The following SCHIP1 variants were observed in gnomAD, a reference collection of about 807,000 sequenced individuals.
SCHIP1 encodes schwannomin-interacting protein 1.
In SCHIP1, 8 loss-of-function variants were observed where a neutral mutation model predicts 29.7. The observed-to-expected ratio is 0.27, with a 90% CI of 0.16 to 0.49. SCHIP1 has a LOEUF of 0.49. SCHIP1 is among the 20% of genes least tolerant of loss of function. The probability of loss-of-function intolerance (pLI) is 0.99; values close to 1 mark genes in which losing one functional copy is unlikely to be tolerated. For synonymous variants in SCHIP1, 76 were observed against 94.9 expected (o/e 0.80, Z 1.16); for missense variants, 193 against 294.6 (o/e 0.66, Z 2.52).
the SCHIP1 span, among the ~76,000 whole-genome samples, chr3:159,400,789 T>C: frequency 6.6e-6 from 1 of 152,164 alleles, no homozygotes; most frequent in East Asian, 1.9e-4. Flanking sequence ...ACACTCTAAC[T>C]CCCCTTTCAT....
At chr3:159,322,027 A>G in the SCHIP1 span, among the ~76,000 whole-genome samples, 1 of 151,988 alleles carries the variant, frequency 6.6e-6, no homozygotes, top group Non-Finnish European at 1.5e-5. Flanking sequence ...GGAAAGCAGT[A>G]TTACAGGCTA....
At chr3:159,318,134 G>A in the SCHIP1 span, among the ~76,000 whole-genome samples, 1 of 152,182 alleles carries the variant, frequency 6.6e-6, no homozygotes. Flanking sequence ...GGTCATGACA[G>A]GAGTGGCTGT....
At chr3:159,274,753 T>A in the SCHIP1 span, 1 of 814,594 alleles carries the variant, frequency 1.2e-6, no homozygotes, top group East Asian at 1.2e-4. Flanking sequence ...AAAAAGTAAC[T>A]TTAACAAATC....
the SCHIP1 span, among the ~76,000 whole-genome samples, chr3:159,828,430 C>CGTATATATAT: frequency 3.3e-5 from 3 of 91,544 alleles, no homozygotes; most frequent in African/African-American, 1.4e-4. Context: ...TATATATATA[C>CGTATATATAT]GTATATATAC....
At chr3:159,543,242 G>T in the SCHIP1 span, among the ~76,000 whole-genome samples, 2 of 150,228 alleles carry the variant, frequency 1.3e-5, no homozygotes, top group African/African-American at 4.9e-5. Flanking sequence ...AAGTTTTAGG[G>T]TACATGTGCA....
chr3:159,320,853 TAA>T, the SCHIP1 span, among the ~76,000 whole-genome samples: 865 of 138,554 alleles, frequency 6.2e-3, 56 homozygotes, highest in East Asian at 0.15. Context: ...TTCTGTCATC[TAA>T]AAAAAAAAAA....
chr3:159,502,840 C>T, the SCHIP1 span, among the ~76,000 whole-genome samples: 99 of 152,308 alleles, frequency 6.5e-4, 2 homozygotes, highest in Admixed American at 5.2e-3. Context: ...CAAGTGCAGG[C>T]GTATTTGAAC....
At chr3:159,466,932 G>C in the SCHIP1 span, among the ~76,000 whole-genome samples, 1 of 151,850 alleles carries the variant, frequency 6.6e-6, no homozygotes, top group Non-Finnish European at 1.5e-5. Flanking sequence ...TTCCTGTTTT[G>C]TTTTAGTCCC....
the SCHIP1 span, among the ~76,000 whole-genome samples, chr3:159,403,980 T>C: frequency 6.6e-6 from 1 of 152,156 alleles, no homozygotes; most frequent in African/African-American, 2.4e-5. Flanking sequence ...CCTAAGGCCT[T>C]CATTCCAGGT....
At chr3:159,539,323 C>A in the SCHIP1 span, among the ~76,000 whole-genome samples, 2 of 88,710 alleles carry the variant, frequency 2.3e-5, 1 homozygote, top group East Asian at 9.7e-4. Flanking sequence ...AAGATGCATG[C>A]AAGAGAGCAT....
the SCHIP1 span, among the ~76,000 whole-genome samples, chr3:159,288,332 C>T: frequency 6.6e-6 from 1 of 152,216 alleles, no homozygotes; most frequent in Non-Finnish European, 1.5e-5. Flanking sequence ...TCCCCTCATG[C>T]AACTGCTTCT....
the SCHIP1 span, among the ~76,000 whole-genome samples, chr3:159,662,006 C>T: frequency 6.6e-6 from 1 of 152,128 alleles, no homozygotes; most frequent in Non-Finnish European, 1.5e-5. Context: ...CACATCTGTT[C>T]CCCTGGTCAC....
chr3:159,386,800 C>T, the SCHIP1 span: 2 of 152,398 alleles, frequency 1.3e-5, no homozygotes, highest in Non-Finnish European at 2.9e-5. Context: ...TGTGTGGAAA[C>T]TTGTGTGGTC....
chr3:159,305,864 C>T, the SCHIP1 span, among the ~76,000 whole-genome samples: 1 of 152,144 alleles, frequency 6.6e-6, no homozygotes, highest in African/African-American at 2.4e-5. Flanking sequence ...AATGGCAAAA[C>T]CATGAATGCT....
At chr3:159,486,648 T>C in the SCHIP1 span, among the ~76,000 whole-genome samples, 2 of 152,258 alleles carry the variant, frequency 1.3e-5, no homozygotes, top group African/African-American at 2.4e-5. Flanking sequence ...GATATGTTTC[T>C]GCAGCAAATA....
At chr3:159,699,197 TC>T in the SCHIP1 span, among the ~76,000 whole-genome samples, 1 of 152,254 alleles carries the variant, frequency 6.6e-6, no homozygotes, top group Admixed American at 6.5e-5. Flanking sequence ...TTACCACATG[TC>T]AGTCATTGAC....
At chr3:159,684,062 G>A in the SCHIP1 span, among the ~76,000 whole-genome samples, 1 of 152,108 alleles carries the variant, frequency 6.6e-6, no homozygotes, top group Non-Finnish European at 1.5e-5. Context: ...GGGCCCTGCT[G>A]GGCTTTGAGC....
chr3:159,781,395 C>G, the SCHIP1 span, among the ~76,000 whole-genome samples: 1 of 152,026 alleles, frequency 6.6e-6, no homozygotes, highest in Non-Finnish European at 1.5e-5. Flanking sequence ...AGGCTGGTCT[C>G]GAACTCCTGA....
At chr3:159,324,469 G>A in the SCHIP1 span, among the ~76,000 whole-genome samples, 5 of 152,060 alleles carry the variant, frequency 3.3e-5, no homozygotes, top group Non-Finnish European at 5.9e-5. Flanking sequence ...ACTTGAGATT[G>A]AGAATGTTTT....
Sources: gnomAD v4.1 joint callset for allele counts (sites outside exome capture counted in the v4.1 genomes callset) on GRCh38, gnomAD v4.1.1 for gene constraint, MANE v1.5 for transcripts, NCBI Gene and HGNC (gene_info 2026-07-23, HGNC 2026-07-21) for gene names.